Variants in PRRC2C observed in about 807,000 individuals in gnomAD.
PRRC2C encodes the protein protein PRRC2C.
A neutral mutation model predicts 317.2 loss-of-function variants in PRRC2C; 72 were observed. The observed-to-expected ratio is 0.23, with a 90% CI of 0.19 to 0.28. PRRC2C has a LOEUF of 0.28. Ranked by LOEUF, PRRC2C falls within the 10% of genes least tolerant of loss-of-function variation. The pLI, the probability that PRRC2C is intolerant of heterozygous loss-of-function variation, is 1.00. For synonymous variants in PRRC2C, 1,296 were observed against 1,205.9 expected (o/e 1.07, Z -1.55); for missense variants, 3,074 against 3,459.7 (o/e 0.89, Z 2.80).
intron 28 of PRRC2C, among the ~76,000 whole-genome samples, chr1:171,581,997 T>G (rs1321452519): frequency 6.6e-6 from 1 of 151,618 alleles, no homozygotes; most frequent in East Asian, 1.9e-4. Context: ...GTGTTTTGGC[T>G]TGGTTTGGTT....
At chr1:171,559,818 G>A (rs1324657321) in intron 19 of PRRC2C, among the ~76,000 whole-genome samples, 1 of 152,070 alleles carries the variant, frequency 6.6e-6, no homozygotes, top group African/African-American at 2.4e-5. Flanking sequence ...ACCATGCCTG[G>A]CCCATACCTA....
chr1:171,543,884 A>T (rs1034411231), intron 16 of PRRC2C, among the ~76,000 whole-genome samples: 5 of 152,190 alleles, frequency 3.3e-5, no homozygotes, highest in African/African-American at 1.2e-4. Flanking sequence ...CCAAGGCAGC[A>T]TGCTTATCAC....
chr1:171,574,261 T>A, intron 24 of PRRC2C, among the ~76,000 whole-genome samples: 1 of 152,306 alleles, frequency 6.6e-6, no homozygotes, highest in African/African-American at 2.4e-5. Flanking sequence ...ATAATCTATT[T>A]GTATTTACTT....
intron 16 of PRRC2C, among the ~76,000 whole-genome samples, chr1:171,544,981 G>A (rs985502782): frequency 1.3e-5 from 2 of 152,160 alleles, no homozygotes; most frequent in African/African-American, 4.8e-5. Context: ...TTTGTGAAGT[G>A]AATTATTTCC....
intron 18 of PRRC2C, among the ~76,000 whole-genome samples, chr1:171,553,208 G>A (rs1465276656): frequency 6.6e-6 from 1 of 152,152 alleles, no homozygotes; most frequent in African/African-American, 2.4e-5. Context: ...GTGTGTCGAG[G>A]AATTTATCCA....
Position 171,575,951 on chromosome 1 carries a change from C to T in PRRC2C, c.6955+823C>T, listed in dbSNP as rs148185344. 3.5e-4 allele frequency among the ~76,000 whole-genome samples: 54 copies of T among 152,184 alleles called. No homozygotes were observed. In the East Asian group the frequency reaches 0.01, roughly 28 times the overall value. ...ATTGCTTTTTAGTATTCCAGCCCAC[C>T]GTGCTATTTTTAGGTACCAAAAAGC... On this transcript the variant is annotated intron_variant, in intron 25 of 34. Transcript: ENST00000647382.
At chr1:171,504,191 GA>G (rs762325872) in intron 1 of PRRC2C, among the ~76,000 whole-genome samples, 2 of 152,148 alleles carry the variant, frequency 1.3e-5, no homozygotes, top group Non-Finnish European at 2.9e-5. Flanking sequence ...ATGTATTCTT[GA>G]TAAAAGTTCT....
rs747281887 is a variant in PRRC2C at position 171,545,609 on chromosome 1, G to A, written c.4894G>A (p.Glu1632Lys). 6.2e-7 allele frequency: 1 copy of A among 1,612,598 alleles called. No homozygotes were observed. The highest frequency in any genetic ancestry group is 1.1e-5 in the South Asian group (1 of 90,580). Reference protein sequence around the residue: ...NSKDSTGKKREDPKPGPKKPK... With the variant: ...NSKDSTGKKRKDPKPGPKKPK... Reference sequence around the variant, plus strand: ...CAAAGATTCTACTGGGAAAAAAAGAGAAGACCCCAAACCAGGCCCTAAAAA... The same window carrying A: ...CAAAGATTCTACTGGGAAAAAAAGAAAAGACCCCAAACCAGGCCCTAAAAA... The change falls in exon 17 of 35, where the codon GAA becomes AAA. Residue 1632 changes from glutamate to lysine, a missense_variant. Coordinates refer to ENST00000647382, the MANE Select transcript of PRRC2C (RefSeq NM_001387844.1).
chr1:171,487,812 C>A (rs1198289608), intron 1 of PRRC2C, among the ~76,000 whole-genome samples: 2 of 152,164 alleles, frequency 1.3e-5, no homozygotes, highest in East Asian at 3.8e-4. Flanking sequence ...AAAATACTCT[C>A]TTCCAAGCAA....
At chr1:171,500,179 C>T (rs1668830615) in intron 1 of PRRC2C, among the ~76,000 whole-genome samples, 1 of 152,260 alleles carries the variant, frequency 6.6e-6, no homozygotes, top group South Asian at 2.1e-4. Context: ...AAAGTTATGT[C>T]ATTCAGTTGA....
At chr1:171,563,179 T>G (rs774013429) in intron 20 of PRRC2C, among the ~76,000 whole-genome samples, 2 of 152,118 alleles carry the variant, frequency 1.3e-5, no homozygotes, top group Non-Finnish European at 2.9e-5. Context: ...TACCATTTTC[T>G]CTCCACATCT....
chr1:171,533,082 G>C (rs1676160983), intron 12 of PRRC2C, 121 bp downstream of exon 12: 1 of 1,011,876 alleles, frequency 9.9e-7, no homozygotes, highest in Non-Finnish European at 1.4e-6. Context: ...TTTTATGATA[G>C]CATTTGCAGT....
intron 1 of PRRC2C, among the ~76,000 whole-genome samples, chr1:171,506,116 C>A (rs1670146161): frequency 6.6e-6 from 1 of 152,170 alleles, no homozygotes; most frequent in South Asian, 2.1e-4. Context: ...AGACTGGTCT[C>A]GAACTCCTGA....
At chr1:171,512,750 C>T (rs1487344961) in intron 2 of PRRC2C, 1 of 362,402 alleles carries the variant, frequency 2.8e-6, no homozygotes, top group Non-Finnish European at 4.9e-6. Flanking sequence ...TCAATGTTTT[C>T]TGTAGTGTGT....
chr1:171,583,673 C>A (rs1179575272), intron 28 of PRRC2C, among the ~76,000 whole-genome samples: 6 of 152,120 alleles, frequency 3.9e-5, no homozygotes, highest in Admixed American at 6.5e-5. Context: ...ACTGTTAGGA[C>A]TGTAGGTGTA....
rs143175586 is a variant in PRRC2C at position 171,554,796 on chromosome 1, C to G, written c.5128-2444C>G. Among the ~76,000 whole-genome samples, 588 of 152,330 alleles carry G rather than the reference C, an allele frequency of 3.9e-3. 3 individuals carry two copies. The highest frequency in any genetic ancestry group is 0.013 in the African/African-American group (537 of 41,556). On this transcript the variant is annotated intron_variant, in intron 18 of 34. Coordinates refer to ENST00000647382, the MANE Select transcript of PRRC2C (RefSeq NM_001387844.1). ...AGAATGTTGAATATTGGCCCCCACT[C>G]TCTTCTGGCTTATAGAGTTTCTGCC... is the stretch of plus-strand genomic sequence containing the variant.
intron 1 of PRRC2C, among the ~76,000 whole-genome samples, chr1:171,502,743 G>T (rs1200363687): frequency 1.3e-5 from 2 of 152,130 alleles, no homozygotes; most frequent in African/African-American, 4.8e-5. Flanking sequence ...TGTTGTTATT[G>T]AGATGGAGTT....
At position 171,571,311 on chromosome 1, in the gene PRRC2C, C is replaced by T. The variant is rs778987304; in HGVS notation, c.6652-9C>T. On this transcript the variant is annotated splice_polypyrimidine_tract_variant and intron_variant, in intron 23 of 34. Transcript: ENST00000647382. ...GTTAGATTGTGATATGTGTTGCCTACCTTTTCAGGTGCCCCTGCCCAACAC... is the reference window on the plus strand; with the variant it reads ...GTTAGATTGTGATATGTGTTGCCTATCTTTTCAGGTGCCCCTGCCCAACAC... 4 of 1,545,258 alleles carry T rather than the reference C, an allele frequency of 2.6e-6. No homozygotes were observed. Among genetic ancestry groups the T allele is most frequent in the Middle Eastern group, 1.7e-4 (1 of 5,948 alleles).
At chr1:171,539,685 A>G (rs140723911) in intron 15 of PRRC2C, among the ~76,000 whole-genome samples, 1 of 152,300 alleles carries the variant, frequency 6.6e-6, no homozygotes, top group East Asian at 1.9e-4. Context: ...GGGTTTATCC[A>G]TGTTGTAGCA....
Sources: allele counts gnomAD v4.1 joint callset (sites outside exome capture counted in the v4.1 genomes callset), GRCh38; gene constraint gnomAD v4.1.1; transcripts MANE v1.5; gene names NCBI Gene and HGNC (gene_info 2026-07-23, HGNC 2026-07-21).